Variants in HAUS6 observed in about 807,000 individuals in gnomAD.
HAUS6 encodes the protein HAUS augmin like complex subunit 6.
In HAUS6, 80 loss-of-function variants were observed where a neutral mutation model predicts 106.8. That is an observed-to-expected ratio of 0.75 (90% CI 0.63 to 0.90). HAUS6 has a LOEUF of 0.90. Among genes scored for constraint, HAUS6 ranks in the 40% least tolerant of loss-of-function variants. The pLI is 0.00. For missense variants in HAUS6, 1,155 were observed against 1,118.1 expected (o/e 1.03, Z -0.47); for synonymous variants, 356 against 379.1 (o/e 0.94, Z 0.71).
chr9:19,095,926 A>G (rs1817851590), intron 2 of HAUS6, among the ~76,000 whole-genome samples: 1 of 152,158 alleles, frequency 6.6e-6, no homozygotes, highest in African/African-American at 2.4e-5. Flanking sequence ...ATATCAATGA[A>G]AAAAATAAGG....
intron 8 of HAUS6, among the ~76,000 whole-genome samples, chr9:19,081,395 CTA>C (rs1837146714): frequency 1.3e-5 from 2 of 151,946 alleles, no homozygotes; most frequent in Non-Finnish European, 2.9e-5. Context: ...TTGCACATTT[CTA>C]TGTCTTAAAA....
chr9:19,063,281 GA>G lies in HAUS6; in HGVS notation c.1444-89del, dbSNP rs920196870. 7 of 868,464 alleles carry G rather than the reference GA, an allele frequency of 8.1e-6. No individual in the cohort carries two copies. The African/African-American group carries it at 1.2e-4, about 15-fold the overall frequency. The allele number at this position is 868,464 out of a possible 1,614,324, so 53.8% of individuals were successfully genotyped here. On this transcript the variant is annotated intron_variant, in intron 13 of 16. Transcript: ENST00000380502. ...TCATTAGCAGTTCACTGGTTATCAT[GA>G]ACCTATAAAAGGTTGTTAATACTAT...
chr9:19,057,907 A>C, intron 16 of HAUS6, 54 bp downstream of exon 16: 1 of 1,043,290 alleles, frequency 9.6e-7, no homozygotes, highest in South Asian at 1.6e-5. Context: ...GTTTTATCAA[A>C]AGTTGAGAGA....
At position 19,058,599 on chromosome 9, in the gene HAUS6, T is replaced by A; in HGVS notation, c.2168A>T (p.Asp723Val). ...CTCCTCTTCACTGCCACCCATCACA[T>A]CTATCCTATTGCCGACAGCAGGGGA... Reference protein sequence around the residue: ...TFSPAVGNRIDVMGGSEEEFM... With the variant: ...TFSPAVGNRIVVMGGSEEEFM... The change falls in exon 16 of 17, where the codon GAT (aspartate) becomes GTT (valine). Residue 723 changes from aspartate (D) to valine (V), a missense_variant. By Grantham distance (152) the Asp-to-Val change is radical (BLOSUM62 -3). Transcript: ENST00000380502. The A allele has an allele frequency of 6.2e-7, 1 of 1,605,068 alleles. No individual in the cohort carries two copies. The highest frequency in any genetic ancestry group is 1.1e-5 in the South Asian group (1 of 90,752).
In HAUS6 at chr9:19,055,622, A is replaced by T. The variant is rs1434765962; in HGVS notation, c.*721T>A. On this transcript the variant is annotated 3_prime_UTR_variant, in exon 17 of 17. Transcript: ENST00000380502. ...CTAAATTAGACTAAATATAAATGTTATACAACCCACTGAATGGATTTATAG... is the reference window on the plus strand; with the variant it reads ...CTAAATTAGACTAAATATAAATGTTTTACAACCCACTGAATGGATTTATAG... 6 of 152,256 alleles carry T rather than the reference A, an allele frequency of 3.9e-5. No individual in the cohort carries two copies. Among genetic ancestry groups the T allele is most frequent in the Admixed American group, 3.9e-4 (6 of 15,290 alleles). 9.4% of individuals were successfully genotyped at this position (152,256 alleles called of 1,614,324 possible).
intron 14 of HAUS6, among the ~76,000 whole-genome samples, 177 bp downstream of exon 14, chr9:19,062,831 G>GT (rs891115023): frequency 2.0e-5 from 3 of 151,960 alleles, no homozygotes; most frequent in African/African-American, 4.8e-5. Context: ...ATGCTCAACT[G>GT]TTTTTTTAAT....
chr9:19,096,777 T>C lies in HAUS6; in HGVS notation c.129-8A>G, dbSNP rs1399382679. On this transcript the variant is annotated splice_polypyrimidine_tract_variant and splice_region_variant and intron_variant, in intron 1 of 16. Transcript: ENST00000380502. ...AGCTTGTCAAACATGTTCCTAGTGG[T>C]TAAAAATGAAATAGAAATAGAAAAA... The C allele has an allele frequency of 7.4e-7, 1 of 1,351,454 alleles. No homozygotes were observed. Among genetic ancestry groups the C allele is most frequent in the South Asian group, 1.3e-5 (1 of 75,268 alleles). 83.7% of individuals were successfully genotyped at this position (1,351,454 alleles called of 1,614,324 possible).
intron 3 of HAUS6, 137 bp downstream of exon 3, chr9:19,094,180 G>C (rs1817812188): frequency 3.8e-6 from 2 of 526,820 alleles, no homozygotes; most frequent in Non-Finnish European, 6.7e-6. Context: ...CATCAAAGAA[G>C]ACTATTTTAA....
chr9:19,085,883 C>T (rs1018384887), intron 7 of HAUS6, among the ~76,000 whole-genome samples: 3 of 151,862 alleles, frequency 2.0e-5, no homozygotes, highest in Non-Finnish European at 4.4e-5. Flanking sequence ...TGTCTAAAAA[C>T]CCTTTTGAAT....
At chr9:19,060,633 T>A (rs1836591689) in intron 14 of HAUS6, among the ~76,000 whole-genome samples, 1 of 152,192 alleles carries the variant, frequency 6.6e-6, no homozygotes, top group Non-Finnish European at 1.5e-5. Context: ...ATTTGGACAG[T>A]GACATCTCTA....
At chr9:19,073,054 C>T (rs150997894) in intron 11 of HAUS6, among the ~76,000 whole-genome samples, 28 of 152,044 alleles carry the variant, frequency 1.8e-4, no homozygotes, top group African/African-American at 6.7e-4. Flanking sequence ...TAGGTCTATA[C>T]ATATGTAATA....
Position 19,056,164 on chromosome 9 carries a change from A to C in HAUS6, c.*179T>G, listed in dbSNP as rs1246105268. On this transcript the variant is annotated 3_prime_UTR_variant, in exon 17 of 17. Coordinates refer to ENST00000380502, the MANE Select transcript of HAUS6 (RefSeq NM_017645.5). ...CTCATATACCTACAAAGAGGAAAAA[A>C]TCCAAACATACTTTCCTTACCTAAA... The C allele has an allele frequency of 3.4e-5, 17 of 502,718 alleles. No homozygotes were observed. The highest frequency in any genetic ancestry group is 3.1e-4 in the African/African-American group (16 of 52,080). The allele number at this position is 502,718 out of a possible 1,614,324, so 31.1% of individuals were successfully genotyped here. A position where few individuals can be genotyped will look rare whatever the true frequency, so the allele number is the denominator to read the frequency against.
intron 8 of HAUS6, 26 bp from the exon 9 acceptor site, chr9:19,080,698 T>C (rs199742824): frequency 9.3e-6 from 13 of 1,397,810 alleles, no homozygotes; most frequent in Middle Eastern, 1.9e-4. Context: ...GAGAAAAAAA[T>C]TGGTGAACTA....
intron 16 of HAUS6, 33 bp from the exon 17 acceptor site, chr9:19,056,437 C>A: frequency 8.5e-7 from 1 of 1,177,478 alleles, no homozygotes; most frequent in Non-Finnish European, 1.3e-6. Context: ...TATAAGCAAA[C>A]ATTACAAAGA....
chr9:19,077,790 T>A (rs1837043831), intron 10 of HAUS6, among the ~76,000 whole-genome samples: 1 of 151,882 alleles, frequency 6.6e-6, no homozygotes, highest in East Asian at 1.9e-4. Flanking sequence ...CTGAGTGTAG[T>A]GGCTCATGCC....
chr9:19,071,640 C>T lies in HAUS6; in HGVS notation c.1295-1340G>A, dbSNP rs146190896. Among the ~76,000 whole-genome samples the T allele has an allele frequency of 7.9e-3, 1,147 of 145,024 alleles. 8 individuals carry two copies. The highest frequency in any genetic ancestry group is 0.038 in the Middle Eastern group (10 of 262). Reference sequence around the variant, plus strand: ...CCCAGGCTGACTGCAGTACCACAATCATGGCTCACTACAGCCTCGACTTCC... The same window carrying T: ...CCCAGGCTGACTGCAGTACCACAATTATGGCTCACTACAGCCTCGACTTCC... On this transcript the variant is annotated intron_variant, in intron 11 of 16. Transcript: ENST00000380502.
chr9:19,099,017 C>CAAA (rs377024544), intron 1 of HAUS6, among the ~76,000 whole-genome samples: 1 of 90,684 alleles, frequency 1.1e-5, no homozygotes. Context: ...AACTCCATCT[C>CAAA]AAAAAAAAAA....
At chr9:19,094,490 T>C (rs1588627397) in intron 2 of HAUS6, 95 bp from the exon 3 acceptor site, 2 of 709,364 alleles carry the variant, frequency 2.8e-6, no homozygotes, top group South Asian at 3.4e-5. Context: ...TTATTTCTAA[T>C]ACCAGAAATA....
chr9:19,071,027 C>G (rs1000876254), intron 11 of HAUS6, among the ~76,000 whole-genome samples: 3 of 152,154 alleles, frequency 2.0e-5, no homozygotes, highest in African/African-American at 4.8e-5. Flanking sequence ...TACAGAAGAT[C>G]TGATATTCCA....
Sources: allele counts gnomAD v4.1 joint callset (sites outside exome capture counted in the v4.1 genomes callset), GRCh38; gene constraint gnomAD v4.1.1; transcripts MANE v1.5; gene names NCBI Gene and HGNC (gene_info 2026-07-23, HGNC 2026-07-21).